PWWP2A: variants seen among roughly 807,000 people sequenced by gnomAD.
PWWP2A encodes the protein PWWP domain containing 2A, also known as PWWP domain-containing protein 2A.
In PWWP2A, 18 loss-of-function variants were observed where a neutral mutation model predicts 48.5. The observed-to-expected ratio is 0.37, with a 90% CI of 0.26 to 0.55. The LOEUF is 0.55. PWWP2A is among the 20% of genes least tolerant of loss of function. The pLI, the probability that PWWP2A is intolerant of heterozygous loss-of-function variation, is 0.81. For missense variants in PWWP2A, 867 were observed against 976.4 expected (o/e 0.89, Z 1.49); for synonymous variants, 396 against 387.7 (o/e 1.02, Z -0.25).
In PWWP2A at chr5:160,085,569, C is replaced by T. The variant is rs574950250; in HGVS notation, c.1550-4799G>A. Among the ~76,000 whole-genome samples the T allele has an allele frequency of 2.2e-3, 324 of 146,086 alleles. 2 individuals carry two copies. The highest frequency in any genetic ancestry group is 7.6e-3 in the African/African-American group (300 of 39,276). On this transcript the variant is annotated intron_variant, in intron 2 of 3. Transcript: ENST00000456329. ...TCACCCAGGCTGGAGTGTAATGGCG[C>T]GATCTCGGCTCACTGCAACCTCTGC... is the stretch of plus-strand genomic sequence containing the variant.
chr5:160,101,739 TA>T (rs1049747315), intron 1 of PWWP2A, among the ~76,000 whole-genome samples: 13 of 149,514 alleles, frequency 8.7e-5, no homozygotes, highest in African/African-American at 3.2e-4. Flanking sequence ...TTTAGGAGGC[TA>T]AAACAGAAGC....
At chr5:160,102,436 G>C (rs1167807702) in intron 1 of PWWP2A, among the ~76,000 whole-genome samples, 1 of 150,128 alleles carries the variant, frequency 6.7e-6, no homozygotes, top group South Asian at 2.1e-4. Flanking sequence ...GCCAGGCATG[G>C]TGGCTCAAGC....
the PWWP2A span, among the ~76,000 whole-genome samples, chr5:160,050,626 ACTT>A: frequency 7.8e-6 from 1 of 128,228 alleles, no homozygotes; most frequent in Non-Finnish European, 1.6e-5. Flanking sequence ...GCCAAACAAA[ACTT>A]TTTTTTTTTT....
chr5:160,105,617 G>C lies in PWWP2A; in HGVS notation c.585-11552C>G, dbSNP rs114625654. On this transcript the variant is annotated intron_variant, in intron 1 of 1. Coordinates refer to ENST00000307063, the MANE Select transcript of PWWP2A (RefSeq NM_001130864.2). Reference sequence around the variant, plus strand: ...AAGCATGCCAGAAGGGGACTATAGGGACAAAACTTACCTACTAAAAGACTA... The same window carrying C: ...AAGCATGCCAGAAGGGGACTATAGGCACAAAACTTACCTACTAAAAGACTA... The C allele has an allele frequency of 1.9e-3, 1,661 of 887,084 alleles. 24 individuals are homozygous for C. The African/African-American group carries it at 0.027, about 14-fold the overall frequency. The allele number at this position is 887,084 out of a possible 1,614,324, so 55.0% of individuals were successfully genotyped here. A position where few individuals can be genotyped will look rare whatever the true frequency, so the allele number is the denominator to read the frequency against.
At chr5:160,090,080 T>C, downstream of PWWP2A, 1 of 985,292 alleles carries the variant, frequency 1.0e-6, no homozygotes, top group Non-Finnish European at 1.2e-6. Context: ...AACGAAGGGG[T>C]CATTTGGCAT....
chr5:160,094,118 C>A, intron 1 of PWWP2A, 53 bp from the exon 2 acceptor site: 1 of 1,480,588 alleles, frequency 6.8e-7, no homozygotes, highest in Non-Finnish European at 9.0e-7. Context: ...ATCTATAATT[C>A]AATTTCTTAA....
At chr5:160,112,564 A>AT (rs1054079947) in intron 1 of PWWP2A, among the ~76,000 whole-genome samples, 2 of 152,140 alleles carry the variant, frequency 1.3e-5, no homozygotes, top group Non-Finnish European at 2.9e-5. Flanking sequence ...ACAAAATCTG[A>AT]TTTTAACCAG....
the PWWP2A span, among the ~76,000 whole-genome samples, chr5:160,049,291 A>G: frequency 6.6e-6 from 1 of 152,198 alleles, no homozygotes; most frequent in Admixed American, 6.5e-5. Flanking sequence ...CTACAATAGT[A>G]TCATTGAGGA....
intron 1 of PWWP2A, among the ~76,000 whole-genome samples, chr5:160,102,424 C>G (rs1265036220): frequency 3.6e-5 from 5 of 138,590 alleles, no homozygotes; most frequent in Non-Finnish European, 7.7e-5. Context: ...AAAAAAAATG[C>G]AGCCAGGCAT....
intron 1 of PWWP2A, among the ~76,000 whole-genome samples, chr5:160,111,948 G>A (rs11953732): frequency 0.043 from 6,546 of 151,768 alleles, 362 homozygotes; most frequent in African/African-American, 0.13. Flanking sequence ...GCAACAAAGC[G>A]AAACCCTGTC....
In PWWP2A at chr5:160,106,891, C is replaced by T. The variant is rs527847160; in HGVS notation, c.584+11914G>A. Among the ~76,000 whole-genome samples the T allele has an allele frequency of 1.2e-4, 16 of 138,500 alleles. No homozygotes were observed. In the Middle Eastern group the frequency reaches 0.014, roughly 122 times the overall value. 90.9% of individuals were successfully genotyped at this position (138,500 alleles called of 152,430 possible). On this transcript the variant is annotated intron_variant, in intron 1 of 1. Coordinates refer to ENST00000307063, the MANE Select transcript of PWWP2A (RefSeq NM_001130864.2). ...CCAGGCTGGAGTGCAGTGGGGAGAT[C>T]TCAGCTCACGCAACCTTCACCTCCC...
chr5:160,084,440 G>A (rs145411114), intron 2 of PWWP2A, among the ~76,000 whole-genome samples: 39 of 152,132 alleles, frequency 2.6e-4, no homozygotes, highest in Non-Finnish European at 5.4e-4. Flanking sequence ...AATCTTTTTT[G>A]TGTTTTGAGA....
chr5:160,064,859 G>C, intron 4 of PWWP2A: 1 of 1,488,070 alleles, frequency 6.7e-7, no homozygotes. Flanking sequence ...TCAGTGGTAA[G>C]GCAAGATTAA....
At chr5:160,097,069 G>A (rs770863662) in intron 1 of PWWP2A, among the ~76,000 whole-genome samples, 18 of 152,188 alleles carry the variant, frequency 1.2e-4, no homozygotes, top group Admixed American at 3.3e-4. Flanking sequence ...TGATGCAGTG[G>A]CTCACGTCTG....
chr5:160,072,808 G>A (rs887104955), downstream of PWWP2A, among the ~76,000 whole-genome samples: 1 of 151,804 alleles, frequency 6.6e-6, no homozygotes, highest in African/African-American at 2.4e-5. Context: ...GGGTAACAGA[G>A]TGAGACTCCG....
downstream of PWWP2A, among the ~76,000 whole-genome samples, chr5:160,087,854 T>C (rs1219498175): frequency 1.3e-5 from 2 of 152,172 alleles, no homozygotes; most frequent in African/African-American, 4.8e-5. Context: ...CTTACTTGAG[T>C]AAAGATAAGA....
Position 160,092,917 on chromosome 5 carries a change from G to T in PWWP2A, c.1733C>A (p.Ser578Tyr). 2 of 1,551,706 alleles carry T rather than the reference G, an allele frequency of 1.3e-6. No homozygotes were observed. The highest frequency in any genetic ancestry group is 1.7e-6 in the Non-Finnish European group (2 of 1,146,986). The part of the protein sequence containing the change: ...MTLNQKKSDS[S>Y]SASVCSIDST... ...ATCAATGCTACACACTGAAGCACTGGAAGAGTCAGATTTCTTTTGATTTAG... is the reference window on the plus strand; with the variant it reads ...ATCAATGCTACACACTGAAGCACTGTAAGAGTCAGATTTCTTTTGATTTAG... Residue 578 changes from serine (S) to tyrosine (Y), a missense_variant, in exon 2 of 2, where the codon TCC becomes TAC. By Grantham distance (144) the Ser-to-Tyr change is moderately radical (BLOSUM62 -2). Coordinates refer to ENST00000307063, the MANE Select transcript of PWWP2A (RefSeq NM_001130864.2).
At chr5:160,104,108 G>A (rs1373715978) in intron 1 of PWWP2A, among the ~76,000 whole-genome samples, 2 of 96,984 alleles carry the variant, frequency 2.1e-5, no homozygotes, top group African/African-American at 8.1e-5. Flanking sequence ...GGGCAACAGA[G>A]TGAGACTCTG....
At chr5:160,045,553 C>T in the PWWP2A span, among the ~76,000 whole-genome samples, 1 of 126,526 alleles carries the variant, frequency 7.9e-6, no homozygotes, top group East Asian at 2.6e-4. Flanking sequence ...CTCTCTCTCT[C>T]CCCCTCCCCT....
Sources: allele counts gnomAD v4.1 joint callset (sites outside exome capture counted in the v4.1 genomes callset), GRCh38; gene constraint gnomAD v4.1.1; transcripts MANE v1.5; gene names NCBI Gene and HGNC (gene_info 2026-07-23, HGNC 2026-07-21).